The following RDH13 variants were observed in gnomAD, a reference collection of about 807,000 sequenced individuals.
RDH13 encodes retinol dehydrogenase 13 (all-trans and 9-cis).
A neutral mutation model predicts 28.3 loss-of-function variants in RDH13; 35 were observed. The observed-to-expected ratio is 1.24, with a 90% confidence interval of 0.95 to 1.64. RDH13 has a LOEUF of 1.64. Ranked by LOEUF, RDH13 falls within the 40% of genes most tolerant of loss-of-function variation. The pLI, the probability that RDH13 is intolerant of heterozygous loss-of-function variation, is 0.00. For synonymous variants in RDH13, 229 were observed against 198.5 expected (o/e 1.15, Z -1.29); for missense variants, 514 against 446.3 (o/e 1.15, Z -1.37).
chr19:55,056,244 A>G (rs974350107), intron 3 of RDH13, among the ~76,000 whole-genome samples: 6 of 152,122 alleles, frequency 3.9e-5, no homozygotes, highest in African/African-American at 1.4e-4. Flanking sequence ...CAGGAGAATC[A>G]CCTGAGGTCA....
chr19:55,048,207 C>T lies in RDH13; in HGVS notation c.658+122G>A, dbSNP rs773349787. ...AGAAGCGGGCAGCGTGGTCCACATG[C>T]TCTACTTTTGCTGACTCTGTTCTGG... On this transcript the variant is annotated intron_variant, in intron 5 of 6. Transcript: ENST00000415061. 101 of 1,546,356 alleles carry T rather than the reference C, an allele frequency of 6.5e-5. 1 individual carries two copies. The African/African-American group carries it at 1.2e-3, about 18-fold the overall frequency.
At chr19:55,069,111 G>C in intron 1 of RDH13, among the ~76,000 whole-genome samples, 1 of 120,766 alleles carries the variant, frequency 8.3e-6, no homozygotes, top group Admixed American at 8.9e-5. Flanking sequence ...GACCTGGGAA[G>C]GAGCCAGGCT....
chr19:55,057,765 T>C (rs2075685213), intron 2 of RDH13, among the ~76,000 whole-genome samples: 1 of 151,330 alleles, frequency 6.6e-6, no homozygotes, highest in Non-Finnish European at 1.5e-5. Context: ...AAAATACAAA[T>C]CACTTAAAAT....
At chr19:55,047,311 A>AGGGTCCT in intron 6 of RDH13, 76 bp downstream of exon 6, 1 of 1,553,050 alleles carries the variant, frequency 6.4e-7, no homozygotes, top group African/African-American at 1.4e-5. Context: ...TCTCTGAGGG[A>AGGGTCCT]GGGTCCTGGG....
At chr19:55,046,132 G>A (rs1276075846) in intron 6 of RDH13, among the ~76,000 whole-genome samples, 1 of 149,392 alleles carries the variant, frequency 6.7e-6, no homozygotes, top group Non-Finnish European at 1.5e-5. Context: ...TGCAATCTCA[G>A]CTACTTTGGG....
At chr19:55,066,622 C>T (rs150322383), upstream of RDH13, among the ~76,000 whole-genome samples, 1 of 148,484 alleles carries the variant, frequency 6.7e-6, no homozygotes, top group African/African-American at 2.5e-5. Flanking sequence ...CTCTTCTTGT[C>T]TCTTTCTCTC....
chr19:55,045,042 C>A lies in RDH13; in HGVS notation c.*32G>T, dbSNP rs759212653. The stretch of plus-strand genomic sequence containing the variant: ...CGGACAGCTGTCCTCGGTCTGGAGG[C>A]GCCATCCTGGCTTTCAAATCTGCTC... On this transcript the variant is annotated 3_prime_UTR_variant, in exon 7 of 7. Coordinates refer to ENST00000415061, the MANE Select transcript of RDH13 (RefSeq NM_001145971.2). 6.7e-7 allele frequency: 1 copy of A among 1,485,528 alleles called. No homozygotes were observed. Among genetic ancestry groups the A allele is most frequent in the Admixed American group, 2.0e-5 (1 of 50,670 alleles). The allele number at this position is 1,485,528 out of a possible 1,614,324, so 92.0% of individuals were successfully genotyped here. A position where few individuals can be genotyped will look rare whatever the true frequency, so the allele number is the denominator to read the frequency against.
At chr19:55,061,803 A>AAG (rs1445001898) in intron 1 of RDH13, among the ~76,000 whole-genome samples, 1 of 148,948 alleles carries the variant, frequency 6.7e-6, no homozygotes, top group African/African-American at 2.5e-5. Flanking sequence ...AAAAAAAAAA[A>AAG]AGACTACATG....
intron 3 of RDH13, chr19:55,050,747 C>T (rs1471189231): frequency 6.6e-6 from 1 of 152,196 alleles, no homozygotes; most frequent in Non-Finnish European, 1.5e-5. Context: ...GGATCCCAAC[C>T]TATCCTTGGG....
intron 3 of RDH13, among the ~76,000 whole-genome samples, chr19:55,051,468 G>C (rs1284138496): frequency 1.3e-5 from 2 of 151,806 alleles, no homozygotes; most frequent in African/African-American, 2.4e-5. Context: ...CTGCCACCCA[G>C]GCTGGAGTGC....
intron 3 of RDH13, among the ~76,000 whole-genome samples, chr19:55,052,033 G>C (rs919222675): frequency 6.2e-5 from 9 of 144,112 alleles, no homozygotes; most frequent in Non-Finnish European, 1.1e-4. Context: ...TGCCTGGCCT[G>C]TTGTTTTGTT....
chr19:55,040,083 A>G (rs547850702), downstream of RDH13, among the ~76,000 whole-genome samples: 1 of 152,320 alleles, frequency 6.6e-6, no homozygotes, highest in African/African-American at 2.4e-5. Flanking sequence ...AGATGATGAC[A>G]AAGTCTGGGG....
intron 6 of RDH13, 199 bp downstream of exon 6, chr19:55,047,188 C>A: frequency 7.1e-7 from 1 of 1,403,528 alleles, no homozygotes; most frequent in African/African-American, 1.5e-5. Flanking sequence ...CAGGGCTCTG[C>A]CTGCTTCCCG....
Position 55,045,171 on chromosome 19 carries a change from G to T in RDH13, c.899C>A (p.Ala300Asp). The change falls in exon 7 of 7, where the codon GCT becomes GAT. Residue 300 changes from alanine (A) to aspartate (D), a missense_variant. Coordinates refer to ENST00000415061, the MANE Select transcript of RDH13 (RefSeq NM_001145971.2). ...GLKQKAPAPE[A>D]EDEEVARRLW... Reference sequence around the variant, plus strand: ...CCTCCGGGCCACCTCCTCATCCTCAGCCTCGGGGGCCGGGGCCTTCTGTTT... The same window carrying T: ...CCTCCGGGCCACCTCCTCATCCTCATCCTCGGGGGCCGGGGCCTTCTGTTT... The T allele has an allele frequency of 6.2e-7, 1 of 1,613,722 alleles. No homozygotes were observed. Among genetic ancestry groups the T allele is most frequent in the Non-Finnish European group, 8.5e-7 (1 of 1,180,024 alleles).
At position 55,056,803 on chromosome 19, in the gene RDH13, T is replaced by G. The variant is rs778587837; in HGVS notation, c.190A>C (p.Asn64His). Reference sequence around the variant, plus strand: ...ATGTCTCGGCAGGCCAGGATGATGTTGCCTCCTGAAAACCCAGGATGGAAA... The same window carrying G: ...ATGTCTCGGCAGGCCAGGATGATGTGGCCTCCTGAAAACCCAGGATGGAAA... Reference protein sequence around the residue: ...TALELARRGGNIILACRDMEK... With the variant: ...TALELARRGGHIILACRDMEK... Residue 64 changes from asparagine to histidine, a missense_variant, in exon 3 of 7, where the codon AAC becomes CAC. Physicochemically the swap from Asn to His is moderately conservative, Grantham distance 68. Coordinates refer to ENST00000415061, the MANE Select transcript of RDH13 (RefSeq NM_001145971.2). 2 of 1,613,694 alleles carry G rather than the reference T, an allele frequency of 1.2e-6. No homozygotes were observed. The highest frequency in any genetic ancestry group is 4.5e-5 in the East Asian group (2 of 44,892).
intron 3 of RDH13, among the ~76,000 whole-genome samples, chr19:55,050,323 G>A (rs932707658): frequency 6.6e-6 from 1 of 151,964 alleles, no homozygotes; most frequent in Non-Finnish European, 1.5e-5. Context: ...CACCATGTTG[G>A]CCAGGCTAGT....
intron 3 of RDH13, among the ~76,000 whole-genome samples, chr19:55,050,458 C>T (rs1602730816): frequency 6.6e-6 from 1 of 152,230 alleles, no homozygotes; most frequent in East Asian, 1.9e-4. Context: ...GGGTCTCCCT[C>T]TGACACCTGG....
At position 55,059,239 on chromosome 19, in the gene RDH13, G is replaced by A; in HGVS notation, c.102C>T (p.Ala34=). The A allele has an allele frequency of 6.2e-7, 1 of 1,604,348 alleles. No homozygotes were observed. ...CGATGACCGTCTTCCCAGGGATGGTGGCCTTGCTGGGGCAAGCCCCACCGG... is the reference window on the plus strand; with the variant it reads ...CGATGACCGTCTTCCCAGGGATGGTAGCCTTGCTGGGGCAAGCCCCACCGG... ...YVTGGACPSK[A]TIPGKTVIVT... Residue 34 remains alanine (A), a synonymous_variant, in exon 2 of 7, where the codon GCC becomes GCT. Coordinates refer to ENST00000415061, the MANE Select transcript of RDH13 (RefSeq NM_001145971.2).
rs190102405 is a variant in RDH13, at chr19:55,047,228, A to G, written c.760+159T>C. On this transcript the variant is annotated intron_variant, in intron 6 of 6. Transcript: ENST00000415061. ...TGTTAGAGGCTGGCAGGCCAGGTCA[A>G]CGGAGGAAAGGGACCTGTGCTCTGT... 4.6e-4 allele frequency: 648 copies of G among 1,417,214 alleles called. 1 individual carries two copies. Among genetic ancestry groups the G allele is most frequent in the Admixed American group, 6.9e-4 (24 of 35,008 alleles). The allele number at this position is 1,417,214 out of a possible 1,614,324, so 87.8% of individuals were successfully genotyped here. A position where few individuals can be genotyped will look rare whatever the true frequency, so the allele number is the denominator to read the frequency against.
Sources: gnomAD v4.1 joint callset for allele counts (sites outside exome capture counted in the v4.1 genomes callset) on GRCh38, gnomAD v4.1.1 for gene constraint, MANE v1.5 for transcripts, NCBI Gene and HGNC (gene_info 2026-07-23, HGNC 2026-07-21) for gene names.